Variants in MAPKAP1 observed in about 807,000 individuals in gnomAD.
The protein encoded by MAPKAP1 is MAPK associated protein 1.
MAPKAP1 carries 20 observed loss-of-function variants against 65.7 expected under a neutral mutation model. That is an observed-to-expected ratio of 0.30 (90% confidence interval 0.21 to 0.44). The LOEUF (loss-of-function observed/expected upper bound fraction) is 0.44. MAPKAP1 is among the 20% of genes least tolerant of loss of function. The probability of loss-of-function intolerance (pLI) is 1.00; values close to 1 mark genes in which losing one functional copy is unlikely to be tolerated. For synonymous variants in MAPKAP1, 222 were observed against 244.3 expected, an observed-to-expected ratio of 0.91 and a Z score of 0.85; for missense variants, 423 against 648.0, an observed-to-expected ratio of 0.65 and a Z score of 3.77.
intron 7 of MAPKAP1, among the ~76,000 whole-genome samples, chr9:125,536,914 T>C (rs1378325656): frequency 2.0e-5 from 3 of 152,230 alleles, no homozygotes; most frequent in Non-Finnish European, 4.4e-5. Context: ...ACATAAAACA[T>C]TAAAACTGAC....
At chr9:125,578,155 CAT>C in intron 5 of MAPKAP1, among the ~76,000 whole-genome samples, 1 of 152,266 alleles carries the variant, frequency 6.6e-6, no homozygotes, top group South Asian at 2.1e-4. Flanking sequence ...CTCTCTGAAA[CAT>C]GTGCTGTGTC....
intron 7 of MAPKAP1, among the ~76,000 whole-genome samples, chr9:125,520,721 A>G (rs1335557695): frequency 6.6e-6 from 1 of 152,206 alleles, no homozygotes; most frequent in Admixed American, 6.5e-5. Flanking sequence ...TGATGAAACA[A>G]GCCCATCCTG....
intron 7 of MAPKAP1, 118 bp from the exon 8 acceptor site, chr9:125,506,535 T>A: frequency 1.2e-6 from 1 of 802,410 alleles, no homozygotes; most frequent in South Asian, 1.6e-5. Flanking sequence ...TTAAAGTCTG[T>A]CTTGAGGGTC....
chr9:125,456,083 A>G (rs1191255744), intron 10 of MAPKAP1, among the ~76,000 whole-genome samples: 2 of 152,070 alleles, frequency 1.3e-5, no homozygotes, highest in African/African-American at 4.8e-5. Context: ...TGTCTTCTGG[A>G]TTGCATTATT....
At chr9:125,550,234 T>A (rs1830546581) in intron 6 of MAPKAP1, among the ~76,000 whole-genome samples, 1 of 152,166 alleles carries the variant, frequency 6.6e-6, no homozygotes, top group Non-Finnish European at 1.5e-5. Flanking sequence ...ACAGCAAGAC[T>A]GACATTGTAT....
chr9:125,460,207 T>C (rs887336152), intron 10 of MAPKAP1, among the ~76,000 whole-genome samples: 1 of 152,120 alleles, frequency 6.6e-6, no homozygotes, highest in Admixed American at 6.5e-5. Context: ...TATAGAAATT[T>C]TTCATTTTAC....
intron 1 of MAPKAP1, among the ~76,000 whole-genome samples, chr9:125,698,336 T>TAA (rs1237547518): frequency 3.6e-5 from 4 of 112,600 alleles, no homozygotes; most frequent in Admixed American, 3.0e-4. Flanking sequence ...TATATATATA[T>TAA]AAAATATATA....
At position 125,467,993 on chromosome 9, in the gene MAPKAP1, G is replaced by A. The variant is rs1156728371; in HGVS notation, c.1324C>T (p.Leu442Phe). 6.2e-7 allele frequency: 1 copy of A among 1,614,030 alleles called. No homozygotes were observed. Among genetic ancestry groups the A allele is most frequent in the African/African-American group, 1.3e-5 (1 of 74,914 alleles). ...TCACTGGGGCTTTTCTCTTCAGCAA[G>A]GTCACAGGCACAGAGCAGGTCGGAA... The part of the protein sequence containing the change: ...IDSDLLCACD[L>F]AEEKSPSHAI... Residue 442 changes from leucine (L) to phenylalanine (F), a missense_variant, in exon 10 of 12, where the codon CTT (leucine) becomes TTT (phenylalanine). Around this residue, in one of 6 missense-constraint regions of MAPKAP1, gnomAD observed 185 missense variants for 268.1 expected, o/e 0.69. Coordinates refer to ENST00000265960, the MANE Select transcript of MAPKAP1 (RefSeq NM_001006617.3).
intron 10 of MAPKAP1, among the ~76,000 whole-genome samples, chr9:125,461,866 T>C (rs1048974494): frequency 2.6e-5 from 4 of 152,104 alleles, no homozygotes; most frequent in African/African-American, 9.7e-5. Context: ...GGGCTGCAGC[T>C]CCAGTTATAC....
intron 4 of MAPKAP1, among the ~76,000 whole-genome samples, chr9:125,603,498 G>C (rs1451968568): frequency 1.3e-5 from 2 of 152,196 alleles, no homozygotes; most frequent in Non-Finnish European, 2.9e-5. Flanking sequence ...GCAATTATCT[G>C]CAGAAATGGG....
intron 4 of MAPKAP1, among the ~76,000 whole-genome samples, chr9:125,615,538 C>CAAAAAAAAAAAAAAA (rs58426049): frequency 2.7e-5 from 3 of 110,752 alleles, no homozygotes; most frequent in African/African-American, 1.2e-4. Flanking sequence ...ACTAAAAATA[C>CAAAAAAAAAAAAAAA]AAAAAAAAAA....
chr9:125,580,949 C>A (rs1365626290), intron 5 of MAPKAP1, among the ~76,000 whole-genome samples: 1 of 152,196 alleles, frequency 6.6e-6, no homozygotes. Context: ...GAGGATGTTA[C>A]ATAAATGGAA....
At chr9:125,467,868 A>C (rs1165927100) in intron 10 of MAPKAP1, 104 bp downstream of exon 10, 1 of 1,278,056 alleles carries the variant, frequency 7.8e-7, no homozygotes, top group East Asian at 2.3e-5. Flanking sequence ...AACAGACCCA[A>C]GGAAAAAAGG....
At chr9:125,591,492 T>TATCCTCTGTTTCATAGTAAA (rs369917976) in intron 4 of MAPKAP1, among the ~76,000 whole-genome samples, 86 of 152,346 alleles carry the variant, frequency 5.6e-4, no homozygotes, top group African/African-American at 1.7e-3. Flanking sequence ...AGTACAGTAC[T>TATCCTCTGTTTCATAGTAAA]CTTTACTACC....
At chr9:125,689,484 C>T (rs553084187) in intron 1 of MAPKAP1, among the ~76,000 whole-genome samples, 8 of 142,774 alleles carry the variant, frequency 5.6e-5, no homozygotes, top group African/African-American at 1.3e-4. Flanking sequence ...CAGTGGCTCA[C>T]GCCTATAATC....
chr9:125,696,423 A>G (rs201164909), intron 1 of MAPKAP1: 3 of 127,224 alleles, frequency 2.4e-5, no homozygotes, highest in Non-Finnish European at 4.8e-5. Flanking sequence ...AAAAAAAAAC[A>G]AAAAAAAAAC....
At chr9:125,576,864 C>G (rs964536631) in intron 5 of MAPKAP1, among the ~76,000 whole-genome samples, 27 of 151,952 alleles carry the variant, frequency 1.8e-4, no homozygotes, top group Admixed American at 1.3e-3. Flanking sequence ...GATCTCGGCT[C>G]GTTACAACCT....
intron 4 of MAPKAP1, among the ~76,000 whole-genome samples, chr9:125,618,683 G>A (rs115761678): frequency 0.011 from 1,638 of 152,224 alleles, 36 homozygotes; most frequent in African/African-American, 0.037. Context: ...GTGCAGTGGC[G>A]TGTATACACC....
At chr9:125,530,322 G>T (rs147681143) in intron 7 of MAPKAP1, among the ~76,000 whole-genome samples, 1 of 152,184 alleles carries the variant, frequency 6.6e-6, no homozygotes, top group African/African-American at 2.4e-5. Context: ...ATGGGCACAT[G>T]CAACACTCTA....
Sources: gnomAD v4.1 joint callset for allele counts (sites outside exome capture counted in the v4.1 genomes callset) on GRCh38, gnomAD v4.1.1 for gene constraint, gnomAD v4.1.1 regional missense constraint, MANE v1.5 for transcripts, NCBI Gene and HGNC (gene_info 2026-07-23, HGNC 2026-07-21) for gene names.